NBEA: variants seen among roughly 807,000 people sequenced by gnomAD.
NBEA encodes the protein lysosomal-trafficking regulator 2.
Under a neutral mutation model 343.4 loss-of-function variants are expected in NBEA, and 44 were observed. The ratio of observed to expected loss-of-function variants is 0.13; its 90% CI spans 0.10 to 0.16. The LOEUF (loss-of-function observed/expected upper bound fraction) is 0.16, where lower values mean the gene tolerates loss of function less well. NBEA is among the 10% of genes least tolerant of loss of function. NBEA has a pLI of 1.00. For synonymous variants in NBEA, 1,175 were observed against 1,238.7 expected (o/e 0.95, Z 1.08); for missense variants, 2,555 against 3,631.3 (o/e 0.70, Z 7.62).
chr13:35,257,827 T>A (rs1240273541), intron 34 of NBEA, among the ~76,000 whole-genome samples: 1 of 152,138 alleles, frequency 6.6e-6, no homozygotes, highest in Non-Finnish European at 1.5e-5. Context: ...AAAAATAAAT[T>A]TAATGAAGTC....
intron 10 of NBEA, among the ~76,000 whole-genome samples, chr13:35,087,271 G>A (rs182401313): frequency 6.6e-6 from 1 of 151,826 alleles, no homozygotes; most frequent in East Asian, 1.9e-4. Flanking sequence ...AACACTTCAA[G>A]ATATTGATCT....
intron 1 of NBEA, among the ~76,000 whole-genome samples, chr13:35,009,704 A>T (rs1198474787): frequency 6.6e-6 from 1 of 152,160 alleles, no homozygotes; most frequent in Non-Finnish European, 1.5e-5. Context: ...ATCCTGTTAA[A>T]ACTGGTATTT....
At chr13:35,038,354 C>G (rs2062525740) in intron 1 of NBEA, among the ~76,000 whole-genome samples, 1 of 152,160 alleles carries the variant, frequency 6.6e-6, no homozygotes, top group Non-Finnish European at 1.5e-5. Flanking sequence ...ACTTGGTGCT[C>G]TACCCTACTG....
intron 55 of NBEA, among the ~76,000 whole-genome samples, chr13:35,657,537 G>A (rs79927720): frequency 0.025 from 3,860 of 152,128 alleles, 70 homozygotes; most frequent in Non-Finnish European, 0.036. Flanking sequence ...CTATGTATGC[G>A]TATGTGTACA....
At chr13:35,630,780 T>C (rs546247212) in intron 49 of NBEA, among the ~76,000 whole-genome samples, 12 of 152,242 alleles carry the variant, frequency 7.9e-5, no homozygotes, top group African/African-American at 1.4e-4. Flanking sequence ...TGAGCACACA[T>C]CAGCAGAGAG....
chr13:35,302,919 T>G (rs2036645896), intron 35 of NBEA, among the ~76,000 whole-genome samples: 1 of 152,148 alleles, frequency 6.6e-6, no homozygotes, highest in African/African-American at 2.4e-5. Context: ...ACTGAACTCA[T>G]AGAGTCACAT....
intron 35 of NBEA, among the ~76,000 whole-genome samples, chr13:35,296,446 T>C (rs2036138891): frequency 6.6e-6 from 1 of 151,768 alleles, no homozygotes. Context: ...TTCTCATAAT[T>C]CTAATAAAAT....
rs536130982 is a variant in NBEA, at chr13:35,407,038, C to G, written c.6180-25231C>G. ...GCAGTGGTGCAATCTCAGCTCACGG[C>G]ACCCTCTGCCTCCCAGGTTCAAGCA... On this transcript the variant is annotated intron_variant, in intron 38 of 58. Transcript: ENST00000379939. 4.0e-5 allele frequency among the ~76,000 whole-genome samples: 6 copies of G among 150,982 alleles called. No individual in the cohort carries two copies. The South Asian group carries it at 8.4e-4, about 21-fold the overall frequency.
chr13:35,344,620 C>T (rs933189613), intron 36 of NBEA, among the ~76,000 whole-genome samples: 1 of 151,826 alleles, frequency 6.6e-6, no homozygotes. Context: ...AATGAGAGTG[C>T]TATCAAAGCA....
At chr13:35,362,605 C>A (rs1393544042) in intron 38 of NBEA, among the ~76,000 whole-genome samples, 1 of 152,040 alleles carries the variant, frequency 6.6e-6, no homozygotes, top group East Asian at 1.9e-4. Flanking sequence ...AGATGACTCA[C>A]CCATGCCCAC....
intron 41 of NBEA, among the ~76,000 whole-genome samples, chr13:35,499,803 A>T (rs1018647467): frequency 1.6e-4 from 24 of 152,090 alleles, no homozygotes; most frequent in Non-Finnish European, 5.9e-5. Flanking sequence ...CTGTTGCGAT[A>T]TCCTCAGCCA....
chr13:35,282,937 A>C (rs972194348), intron 34 of NBEA, among the ~76,000 whole-genome samples: 1 of 152,134 alleles, frequency 6.6e-6, no homozygotes, highest in Non-Finnish European at 1.5e-5. Flanking sequence ...TGATGTAATT[A>C]TTGTTCCTTA....
intron 31 of NBEA, among the ~76,000 whole-genome samples, chr13:35,205,929 A>G (rs74048945): frequency 0.045 from 6,811 of 152,148 alleles, 178 homozygotes; most frequent in South Asian, 0.079. Flanking sequence ...AATGAAGCTT[A>G]GAGAGATCTA....
chr13:35,218,918 T>A (rs993172987), intron 33 of NBEA, among the ~76,000 whole-genome samples: 1 of 152,012 alleles, frequency 6.6e-6, no homozygotes, highest in African/African-American at 2.4e-5. Flanking sequence ...TTTTTTCCCC[T>A]GAAATATTTA....
chr13:35,073,698 T>C (rs1191427393), intron 10 of NBEA, among the ~76,000 whole-genome samples: 2 of 152,094 alleles, frequency 1.3e-5, no homozygotes, highest in East Asian at 1.9e-4. Flanking sequence ...CCCAGCACCT[T>C]GGGAGGCTGA....
chr13:35,082,131 T>C (rs1363260556), intron 10 of NBEA, among the ~76,000 whole-genome samples: 2 of 152,180 alleles, frequency 1.3e-5, no homozygotes, highest in Non-Finnish European at 2.9e-5. Context: ...GTTTTCTCAT[T>C]GTTCATTTCC....
intron 38 of NBEA, among the ~76,000 whole-genome samples, chr13:35,355,137 A>G (rs1392625316): frequency 6.6e-6 from 1 of 152,036 alleles, no homozygotes; most frequent in Non-Finnish European, 1.5e-5. Flanking sequence ...GCTTCTCACC[A>G]TTACCTTGGA....
At chr13:35,094,668 C>T (rs1340046019) in intron 10 of NBEA, among the ~76,000 whole-genome samples, 1 of 151,788 alleles carries the variant, frequency 6.6e-6, no homozygotes, top group Non-Finnish European at 1.5e-5. Context: ...ATTATTTCTG[C>T]TATGATCACT....
chr13:35,657,591 T>G (rs767283498), intron 55 of NBEA, among the ~76,000 whole-genome samples: 24 of 152,348 alleles, frequency 1.6e-4, no homozygotes, highest in Admixed American at 5.2e-4. Context: ...TTTATTATTC[T>G]CAAGAATGGT....
Sources: gnomAD v4.1 joint callset for allele counts (sites outside exome capture counted in the v4.1 genomes callset) on GRCh38, gnomAD v4.1.1 for gene constraint, MANE v1.5 for transcripts, NCBI Gene and HGNC (gene_info 2026-07-23, HGNC 2026-07-21) for gene names.